Variants in DOCK7 observed in about 807,000 individuals in gnomAD.
DOCK7 encodes dedicator of cytokinesis 7, also known as dedicator of cytokinesis protein 7.
DOCK7 carries 138 observed loss-of-function variants against 271.0 expected under a neutral mutation model. That is an observed-to-expected ratio of 0.51 (90% CI 0.44 to 0.59). The LOEUF is 0.59. Ranked by LOEUF, DOCK7 falls within the 20% of genes least tolerant of loss-of-function variation. The pLI, the probability that DOCK7 is intolerant of heterozygous loss-of-function variation, is 0.00. For missense variants in DOCK7, 2,066 were observed against 2,592.4 expected (o/e 0.80, Z 4.41); for synonymous variants, 823 against 876.1 (o/e 0.94, Z 1.07).
chr1:62,645,411 T>TAA (rs886666922), intron 7 of DOCK7, among the ~76,000 whole-genome samples: 2 of 142,746 alleles, frequency 1.4e-5, no homozygotes, highest in African/African-American at 2.6e-5. Flanking sequence ...AAACTAAGTT[T>TAA]AAAAAAAAAA....
chr1:62,494,519 G>C (rs1394090653), intron 39 of DOCK7, 52 bp from the exon 40 acceptor site: 1 of 1,532,884 alleles, frequency 6.5e-7, no homozygotes, highest in Admixed American at 1.8e-5. Context: ...CAAGCTGGGA[G>C]GGAGTTTAGA....
In DOCK7 at chr1:62,529,335, C is replaced by G. The variant is rs745804830; in HGVS notation, c.3723G>C (p.Leu1241Phe). The G allele has an allele frequency of 2.5e-6, 4 of 1,613,428 alleles. No individual in the cohort carries two copies. Among genetic ancestry groups the G allele is most frequent in the Non-Finnish European group, 3.4e-6 (4 of 1,179,874 alleles). Residue 1241 changes from leucine to phenylalanine, a missense_variant, in exon 30 of 50, where the codon TTG (leucine) becomes TTC (phenylalanine). Transcript: ENST00000635253. ...TGATAATACCAATCAGAGGTAGATA[C>G]AACATGGCCACTCGAGCCTTTATCT... The part of the protein sequence containing the change: ...DPQIKARVAM[L>F]YLPLIGIIME...
chr1:62,545,704 AATT>A (rs1645682685), intron 22 of DOCK7, among the ~76,000 whole-genome samples: 4 of 152,132 alleles, frequency 2.6e-5, no homozygotes. Flanking sequence ...TGTTTATAGG[AATT>A]ATATCTTCAT....
intron 44 of DOCK7, among the ~76,000 whole-genome samples, chr1:62,477,434 T>C (rs1645999090): frequency 6.6e-6 from 1 of 152,212 alleles, no homozygotes; most frequent in South Asian, 2.1e-4. Context: ...TATTTCTCCG[T>C]TAAGTCGCAG....
intron 40 of DOCK7, among the ~76,000 whole-genome samples, chr1:62,493,644 T>C (rs1646529475): frequency 6.6e-6 from 1 of 152,236 alleles, no homozygotes; most frequent in African/African-American, 2.4e-5. Context: ...TGAGTCTTTG[T>C]AAAACATTCA....
At chr1:62,671,315 A>C (rs1571972701) in intron 1 of DOCK7, among the ~76,000 whole-genome samples, 1 of 152,256 alleles carries the variant, frequency 6.6e-6, no homozygotes, top group African/African-American at 2.4e-5. Context: ...ACAGAGCTAA[A>C]GTGAAAAACA....
At chr1:62,628,115 TTATC>T (rs1288932908) in intron 11 of DOCK7, 1 of 152,184 alleles carries the variant, frequency 6.6e-6, no homozygotes, top group Non-Finnish European at 1.5e-5. Flanking sequence ...CGCATTACAT[TTATC>T]ATTAGAGTCC....
At chr1:62,592,047 A>G (rs1428351260) in intron 14 of DOCK7, among the ~76,000 whole-genome samples, 2 of 152,222 alleles carry the variant, frequency 1.3e-5, no homozygotes, top group African/African-American at 4.8e-5. Flanking sequence ...GAAATTGAAC[A>G]CTATCTATAA....
chr1:62,458,557 G>C (rs951323242), intron 48 of DOCK7: 4 of 143,830 alleles, frequency 2.8e-5, no homozygotes, highest in Admixed American at 1.4e-4. Context: ...TTTTGAGATG[G>C]AGTCTCACTC....
rs77139554 is a variant in DOCK7, at chr1:62,631,980, A to G, written c.1117-575T>C. 6.6e-5 allele frequency among the ~76,000 whole-genome samples: 10 copies of G among 152,322 alleles called. No individual in the cohort carries two copies. In the East Asian group the frequency reaches 1.7e-3, roughly 26 times the overall value. ...ACTAACGGTCCAAATATTTAATAGT[A>G]CAAGCATATCTGGAAGACATCTTGA... On this transcript the variant is annotated intron_variant, in intron 10 of 49. Transcript: ENST00000635253.
chr1:62,540,561 C>G (rs1463932870), intron 25 of DOCK7, among the ~76,000 whole-genome samples: 2 of 152,028 alleles, frequency 1.3e-5, no homozygotes, highest in Non-Finnish European at 2.9e-5. Flanking sequence ...GGTTAGAAAC[C>G]CTGTCTTCAC....
chr1:62,460,265 C>T (rs998230158), intron 48 of DOCK7, among the ~76,000 whole-genome samples: 3 of 151,872 alleles, frequency 2.0e-5, no homozygotes, highest in Non-Finnish European at 2.9e-5. Context: ...TGTAAAACTT[C>T]CAAACAAAAC....
chr1:62,516,719 C>T (rs1396483461), intron 31 of DOCK7: 1 of 152,214 alleles, frequency 6.6e-6, no homozygotes, highest in East Asian at 1.9e-4. Context: ...ACCACCTCAA[C>T]AGGCCCAGCC....
chr1:62,529,363 G>C lies in DOCK7; in HGVS notation c.3695C>G (p.Pro1232Arg), dbSNP rs760813445. ...SHDSDPRYSD[P>R]QIKARVAMLY... ...CATGGCCACTCGAGCCTTTATCTGAGGGTCAGAGTACCGCGGGTCTGAGTC... is the reference window on the plus strand; with the variant it reads ...CATGGCCACTCGAGCCTTTATCTGACGGTCAGAGTACCGCGGGTCTGAGTC... Residue 1232 changes from proline (P) to arginine (R), a missense_variant, in exon 30 of 50, where the codon CCT (proline) becomes CGT (arginine). Physicochemically the swap from Pro to Arg is moderately radical, Grantham distance 103. Transcript: ENST00000635253. 4.5e-5 allele frequency: 73 copies of C among 1,613,644 alleles called. No homozygotes were observed. The South Asian group carries it at 7.6e-4, about 17-fold the overall frequency.
At chr1:62,475,550 T>C (rs1335669430) in intron 46 of DOCK7, 157 bp downstream of exon 46, 7 of 1,081,572 alleles carry the variant, frequency 6.5e-6, no homozygotes, top group African/African-American at 1.6e-5. Flanking sequence ...ATTAGGGTCT[T>C]AGAAAAGAAG....
intron 18 of DOCK7, among the ~76,000 whole-genome samples, chr1:62,564,982 T>C (rs191919264): frequency 6.9e-4 from 105 of 152,036 alleles, no homozygotes; most frequent in Non-Finnish European, 1.2e-3. Flanking sequence ...ACATACACCC[T>C]CCCAAGTCTA....
intron 43 of DOCK7, chr1:62,478,671 C>G (rs539917475): frequency 6.6e-6 from 1 of 152,214 alleles, no homozygotes; most frequent in Admixed American, 6.5e-5. Context: ...CCTCAGCCTC[C>G]CAAAGTGCTG....
intron 12 of DOCK7, among the ~76,000 whole-genome samples, chr1:62,621,171 G>T (rs922571112): frequency 8.6e-5 from 13 of 151,946 alleles, no homozygotes; most frequent in Non-Finnish European, 1.5e-4. Flanking sequence ...TTAGACGAGG[G>T]AGGGAGGGGG....
intron 34 of DOCK7, 92 bp downstream of exon 34, chr1:62,510,485 A>G (rs1443413089): frequency 2.3e-6 from 2 of 868,576 alleles, no homozygotes; most frequent in Non-Finnish European, 1.7e-6. Context: ...TGTAAATACT[A>G]AATGTAAATA....
Sources: gnomAD v4.1 joint callset for allele counts (sites outside exome capture counted in the v4.1 genomes callset) on GRCh38, gnomAD v4.1.1 for gene constraint, MANE v1.5 for transcripts, NCBI Gene and HGNC (gene_info 2026-07-23, HGNC 2026-07-21) for gene names.